Variants in NRXN3 observed in about 807,000 individuals in gnomAD.
NRXN3 encodes the protein neurexin 3.
Under a neutral mutation model 137.6 loss-of-function variants are expected in NRXN3, and 32 were observed. The observed-to-expected ratio is 0.23, with a 90% CI of 0.18 to 0.31. NRXN3 has a LOEUF of 0.31. Ranked by LOEUF, NRXN3 falls within the 10% of genes least tolerant of loss-of-function variation. NRXN3 has a pLI of 1.00. For missense variants in NRXN3, 1,574 were observed against 2,062.5 expected (o/e 0.76, Z 4.59); for synonymous variants, 798 against 784.5 (o/e 1.02, Z -0.29).
chr14:78,249,039 G>A (rs1171328571), intron 2 of NRXN3, among the ~76,000 whole-genome samples: 1 of 152,220 alleles, frequency 6.6e-6, no homozygotes, highest in African/African-American at 2.4e-5. Context: ...TGGCAGAGCA[G>A]CCGCCTGCCA....
At chr14:78,981,712 T>C (rs2099489912) in intron 14 of NRXN3, among the ~76,000 whole-genome samples, 2 of 152,222 alleles carry the variant, frequency 1.3e-5, no homozygotes, top group African/African-American at 4.8e-5. Flanking sequence ...AAGCTGTGTC[T>C]ATTGTTATAT....
At chr14:78,226,074 G>T (rs570695893) in intron 1 of NRXN3, among the ~76,000 whole-genome samples, 2 of 150,888 alleles carry the variant, frequency 1.3e-5, no homozygotes, top group South Asian at 4.2e-4. Flanking sequence ...CCTGATCTCC[G>T]CTCACTGCAA....
intron 8 of NRXN3, among the ~76,000 whole-genome samples, chr14:78,794,026 G>A (rs2153058554): frequency 6.6e-6 from 1 of 152,262 alleles, no homozygotes; most frequent in East Asian, 1.9e-4. Context: ...AAAGAATAAT[G>A]TTCTCATTTT....
chr14:78,440,772 G>C (rs992619367), intron 4 of NRXN3, among the ~76,000 whole-genome samples: 3 of 152,142 alleles, frequency 2.0e-5, no homozygotes, highest in African/African-American at 7.2e-5. Context: ...TTGGGGTGGG[G>C]TGTGCTGCAG....
At chr14:79,183,896 T>A (rs2063223402) in intron 15 of NRXN3, among the ~76,000 whole-genome samples, 1 of 152,148 alleles carries the variant, frequency 6.6e-6, no homozygotes, top group Non-Finnish European at 1.5e-5. Context: ...CTCAAATGGT[T>A]TTGAAGCCAC....
intron 4 of NRXN3, among the ~76,000 whole-genome samples, chr14:78,641,680 T>A (rs1175221906): frequency 3.3e-5 from 5 of 152,180 alleles, no homozygotes; most frequent in African/African-American, 1.2e-4. Flanking sequence ...CTCCTCTGAC[T>A]CAGGGAAGAG....
intron 5 of NRXN3, among the ~76,000 whole-genome samples, chr14:78,646,544 G>A (rs1253856111): frequency 2.0e-5 from 3 of 152,154 alleles, no homozygotes; most frequent in Non-Finnish European, 4.4e-5. Flanking sequence ...ATAGGTGTCT[G>A]CCTACGTTTT....
intron 2 of NRXN3, among the ~76,000 whole-genome samples, chr14:78,250,700 G>C (rs1053464726): frequency 6.6e-6 from 1 of 152,196 alleles, no homozygotes; most frequent in South Asian, 2.1e-4. Flanking sequence ...CGTGTCATGG[G>C]TGCAAGGGTA....
chr14:78,400,426 A>G (rs1372094279), intron 4 of NRXN3, among the ~76,000 whole-genome samples: 2 of 152,160 alleles, frequency 1.3e-5, no homozygotes, highest in Non-Finnish European at 2.9e-5. Flanking sequence ...CTTGAGCTTT[A>G]TGGGCATCTT....
intron 1 of NRXN3, among the ~76,000 whole-genome samples, chr14:78,241,870 A>G (rs1451060788): frequency 1.3e-5 from 2 of 152,044 alleles, no homozygotes; most frequent in Admixed American, 6.5e-5. Flanking sequence ...TATTTTACTC[A>G]TTACTCACCT....
At chr14:79,439,009 T>A (rs573889217) in intron 15 of NRXN3, among the ~76,000 whole-genome samples, 1 of 152,364 alleles carries the variant, frequency 6.6e-6, no homozygotes, top group Non-Finnish European at 1.5e-5. Flanking sequence ...GATTTTGAAG[T>A]AAATAGAACC....
intron 2 of NRXN3, 123 bp from the exon 3 acceptor site, chr14:78,278,522 G>T: frequency 2.5e-6 from 2 of 810,272 alleles, no homozygotes; most frequent in South Asian, 3.0e-5. Flanking sequence ...GGGCTTGCAT[G>T]AACTTGATAG....
intron 15 of NRXN3, chr14:79,298,954 G>A (rs114699973): frequency 2.6e-5 from 4 of 152,244 alleles, no homozygotes; most frequent in African/African-American, 4.8e-5. Flanking sequence ...AAGGCCAGGG[G>A]GCTGGAATCA....
In NRXN3 at chr14:78,785,695, G is replaced by A. The variant is rs114580689; in HGVS notation, c.2045-17925G>A. On this transcript the variant is annotated intron_variant, in intron 8 of 20. Coordinates refer to ENST00000335750, the MANE Select transcript of NRXN3 (RefSeq NM_001330195.2). The stretch of plus-strand genomic sequence containing the variant: ...TGCGTATGATGCATCCTAGTCATCC[G>A]CCAGGCAGTTACAACTTTGTTGTTG... Among the ~76,000 whole-genome samples, 377 of 152,228 alleles carry A rather than the reference G, an allele frequency of 2.5e-3. 3 individuals carry two copies. The highest frequency in any genetic ancestry group is 8.6e-3 in the African/African-American group (359 of 41,526).
chr14:78,984,196 A>G (rs958506411), intron 14 of NRXN3, among the ~76,000 whole-genome samples: 2 of 152,206 alleles, frequency 1.3e-5, no homozygotes, highest in Non-Finnish European at 2.9e-5. Context: ...TTAAATTTCA[A>G]ATCATTAGAA....
intron 15 of NRXN3, among the ~76,000 whole-genome samples, chr14:79,308,578 T>A (rs1347709556): frequency 1.3e-5 from 2 of 152,156 alleles, no homozygotes; most frequent in African/African-American, 2.4e-5. Context: ...AAAGGAGTCT[T>A]TAATTACTTT....
At position 78,283,299 on chromosome 14, in the gene NRXN3, A is replaced by G. The variant is rs1272328995; in HGVS notation, c.727+4637A>G. 2 of 152,220 alleles carry G rather than the reference A, an allele frequency of 1.3e-5. 1 individual carries two copies. The highest frequency in any genetic ancestry group is 1.3e-4 in the Admixed American group (2 of 15,284). 9.4% of individuals were successfully genotyped at this position (152,220 alleles called of 1,614,324 possible). A position where few individuals can be genotyped will look rare whatever the true frequency, so the allele number is the denominator to read the frequency against. ...GATGGAGCAGGAGTTGGCAAACTAT[A>G]GCTTGAGGGTCAAATCCAGCTTGCA... On this transcript the variant is annotated intron_variant, in intron 3 of 20. Coordinates refer to ENST00000335750, the MANE Select transcript of NRXN3 (RefSeq NM_001330195.2).
intron 15 of NRXN3, among the ~76,000 whole-genome samples, chr14:79,054,357 T>G (rs181560447): frequency 6.6e-6 from 1 of 152,274 alleles, no homozygotes; most frequent in East Asian, 1.9e-4. Flanking sequence ...AGGCAAGAGA[T>G]GAAGGAGGCT....
rs556679088 is a variant in NRXN3 at position 79,525,043 on chromosome 14, C to T, written c.3444+57641C>T. On this transcript the variant is annotated intron_variant, in intron 16 of 20. Coordinates refer to ENST00000335750, the MANE Select transcript of NRXN3 (RefSeq NM_001330195.2). Reference sequence around the variant, plus strand: ...AAACAAGGTAGTCAGGCAGTTTCTGCGTGGTCAGTTTTTACACAGAAAGGC... The same window carrying T: ...AAACAAGGTAGTCAGGCAGTTTCTGTGTGGTCAGTTTTTACACAGAAAGGC... 7.2e-5 allele frequency among the ~76,000 whole-genome samples: 11 copies of T among 152,122 alleles called. 1 individual carries two copies. The highest frequency in any genetic ancestry group is 6.2e-4 in the South Asian group (3 of 4,816).
Sources: gnomAD v4.1 joint callset for allele counts (sites outside exome capture counted in the v4.1 genomes callset) on GRCh38, gnomAD v4.1.1 for gene constraint, MANE v1.5 for transcripts, NCBI Gene and HGNC (gene_info 2026-07-23, HGNC 2026-07-21) for gene names.